SOX5: variants seen among roughly 807,000 people sequenced by gnomAD.
SOX5 encodes the protein SRY-box transcription factor 5.
In SOX5, 9 loss-of-function variants were observed where a neutral mutation model predicts 92.0. The ratio of observed to expected loss-of-function variants is 0.10; its 90% CI spans 0.06 to 0.17. SOX5 has a LOEUF of 0.17. Among genes scored for constraint, SOX5 ranks in the 10% least tolerant of loss-of-function variants. SOX5 has a pLI of 1.00. For missense variants in SOX5, 642 were observed against 944.5 expected (o/e 0.68, Z 4.20); for synonymous variants, 344 against 336.3 (o/e 1.02, Z -0.25).
chr12:23,572,769 C>G (rs1948570450), intron 10 of SOX5, among the ~76,000 whole-genome samples: 1 of 152,130 alleles, frequency 6.6e-6, no homozygotes, highest in African/African-American at 2.4e-5. Context: ...TAAATCTAAT[C>G]TTGGAGCTCA....
At chr12:24,280,199 C>T (rs1258565740) in intron 2 of SOX5, among the ~76,000 whole-genome samples, 2 of 152,194 alleles carry the variant, frequency 1.3e-5, no homozygotes, top group Non-Finnish European at 2.9e-5. Context: ...AAAGGTTACT[C>T]AGTCACTTTG....
At chr12:24,227,311 G>A (rs1038355823) in intron 3 of SOX5, 1 of 152,228 alleles carries the variant, frequency 6.6e-6, no homozygotes, top group Non-Finnish European at 1.5e-5. Context: ...GGGAAGAGGA[G>A]AGAAATGAAG....
intron 3 of SOX5, among the ~76,000 whole-genome samples, chr12:23,771,937 T>G (rs1379093518): frequency 6.6e-6 from 1 of 152,192 alleles, no homozygotes; most frequent in Non-Finnish European, 1.5e-5. Flanking sequence ...CAGTTCAGAC[T>G]AGCACCCAAA....
Position 23,784,715 on chromosome 12 carries a change from C to T in SOX5, c.482-28991G>A, listed in dbSNP as rs554778798. Among the ~76,000 whole-genome samples, 10 of 152,304 alleles carry T rather than the reference C, an allele frequency of 6.6e-5. No homozygotes were observed. In the South Asian group the frequency reaches 1.5e-3, roughly 22 times the overall value. On this transcript the variant is annotated intron_variant, in intron 3 of 14. Transcript: ENST00000451604. ...GAATGGTGTTGTGTGAGTACACAGA[C>T]TTCTCCAAGGCTCTACTGATTCTTC...
At chr12:24,148,688 T>TAAAAAAAAAA (rs398018872) in intron 4 of SOX5, among the ~76,000 whole-genome samples, 2 of 70,946 alleles carry the variant, frequency 2.8e-5, no homozygotes, top group African/African-American at 1.7e-4. Context: ...CCATCTCTAC[T>TAAAAAAAAAA]AAAAAAAAAA....
chr12:24,200,575 T>C (rs1773847476), intron 4 of SOX5, among the ~76,000 whole-genome samples: 1 of 152,190 alleles, frequency 6.6e-6, no homozygotes, highest in South Asian at 2.1e-4. Context: ...CTGTGGATAC[T>C]GTAACCTTTT....
chr12:23,991,750 T>C (rs200512860), intron 4 of SOX5, among the ~76,000 whole-genome samples: 15 of 53,776 alleles, frequency 2.8e-4, no homozygotes, highest in Non-Finnish European at 5.5e-4. Context: ...ATACAGGAGG[T>C]TTTTTTTTTT....
intron 1 of SOX5, among the ~76,000 whole-genome samples, chr12:24,434,898 C>T (rs1939103487): frequency 6.6e-6 from 1 of 152,190 alleles, no homozygotes; most frequent in African/African-American, 2.4e-5. Flanking sequence ...TCTTTATAAG[C>T]AGTGCAAGAA....
chr12:23,631,129 T>C (rs1340397060), intron 8 of SOX5, among the ~76,000 whole-genome samples: 2 of 152,042 alleles, frequency 1.3e-5, no homozygotes, highest in Admixed American at 1.3e-4. Flanking sequence ...AATAGTTTTC[T>C]AGTATCAACA....
intron 3 of SOX5, among the ~76,000 whole-genome samples, chr12:23,835,894 A>T (rs902445388): frequency 6.6e-6 from 1 of 151,732 alleles, no homozygotes; most frequent in African/African-American, 2.4e-5. Context: ...CTGGAAATGG[A>T]GATAATAGGA....
intron 2 of SOX5, among the ~76,000 whole-genome samples, chr12:23,862,936 CT>C: frequency 6.6e-6 from 1 of 152,266 alleles, no homozygotes; most frequent in Admixed American, 6.5e-5. Flanking sequence ...TGAATAACAG[CT>C]TTGTGCAAGG....
intron 2 of SOX5, among the ~76,000 whole-genome samples, chr12:24,301,331 T>G (rs947373356): frequency 4.6e-5 from 7 of 152,248 alleles, no homozygotes; most frequent in Non-Finnish European, 1.0e-4. Flanking sequence ...GTGTCTGGAT[T>G]ATTTATGGAA....
intron 4 of SOX5, among the ~76,000 whole-genome samples, chr12:24,088,498 G>A (rs1944274127): frequency 6.6e-6 from 1 of 151,730 alleles, no homozygotes; most frequent in Admixed American, 6.6e-5. Context: ...AATATTGATT[G>A]GTGAACAAGA....
intron 3 of SOX5, among the ~76,000 whole-genome samples, chr12:24,267,712 C>G (rs532909111): frequency 3.3e-5 from 5 of 152,072 alleles, no homozygotes; most frequent in African/African-American, 9.7e-5. Context: ...TGCTTGTTCA[C>G]ATATATTATG....
chr12:24,283,826 A>G (rs1945507183), intron 2 of SOX5, among the ~76,000 whole-genome samples: 2 of 152,246 alleles, frequency 1.3e-5, no homozygotes, highest in African/African-American at 4.8e-5. Flanking sequence ...AATTTATAAC[A>G]GGCAAAGTTT....
At chr12:24,445,219 T>G (rs965702370) in intron 1 of SOX5, among the ~76,000 whole-genome samples, 1 of 152,226 alleles carries the variant, frequency 6.6e-6, no homozygotes, top group Non-Finnish European at 1.5e-5. Flanking sequence ...ATATAGCTCA[T>G]GTAAGCTACA....
chr12:24,288,787 G>A (rs1454586178), intron 2 of SOX5, among the ~76,000 whole-genome samples: 1 of 151,392 alleles, frequency 6.6e-6, no homozygotes, highest in Non-Finnish European at 1.5e-5. Context: ...AGGAGTGTGC[G>A]GCCCCTCCCC....
chr12:23,795,379 G>C (rs1488557986), intron 3 of SOX5, among the ~76,000 whole-genome samples: 2 of 151,916 alleles, frequency 1.3e-5, no homozygotes, highest in Admixed American at 1.3e-4. Flanking sequence ...TCACAGAAAA[G>C]TTATATTACG....
chr12:23,537,831 C>T (rs547562572), intron 13 of SOX5, among the ~76,000 whole-genome samples: 11 of 152,228 alleles, frequency 7.2e-5, no homozygotes, highest in African/African-American at 2.2e-4. Context: ...AATGAAGCTG[C>T]GGACCCTCGC....
Sources: gnomAD v4.1 joint callset for allele counts (sites outside exome capture counted in the v4.1 genomes callset) on GRCh38, gnomAD v4.1.1 for gene constraint, MANE v1.5 for transcripts, NCBI Gene and HGNC (gene_info 2026-07-23, HGNC 2026-07-21) for gene names.